LRFN2: variants seen among roughly 807,000 people sequenced by gnomAD.
LRFN2 encodes the protein leucine-rich repeat and fibronectin type-III domain-containing protein 2.
LRFN2 carries 18 observed loss-of-function variants against 37.3 expected under a neutral mutation model. The ratio of observed to expected loss-of-function variants is 0.48; its 90% confidence interval spans 0.33 to 0.72. LRFN2 has a LOEUF of 0.72. Ranked by LOEUF, LRFN2 falls within the 30% of genes least tolerant of loss-of-function variation. LRFN2 has a pLI of 0.02. For missense variants in LRFN2, 1,006 were observed against 1,060.7 expected, an observed-to-expected ratio of 0.95 and a Z score of 0.72; for synonymous variants, 556 against 466.6, an observed-to-expected ratio of 1.19 and a Z score of -2.47.
chr6:40,404,324 C>T (rs1031647411), intron 2 of LRFN2, among the ~76,000 whole-genome samples: 9 of 151,694 alleles, frequency 5.9e-5, no homozygotes, highest in Admixed American at 3.9e-4. Context: ...GTTTTGTTCA[C>T]TGATAGTTTC....
chr6:40,462,746 G>T (rs1222811209), intron 1 of LRFN2, among the ~76,000 whole-genome samples: 3 of 152,084 alleles, frequency 2.0e-5, no homozygotes, highest in Non-Finnish European at 4.4e-5. Flanking sequence ...AGGCACCAAG[G>T]CTCACAGGAG....
At chr6:40,540,386 A>G (rs548876539) in intron 1 of LRFN2, among the ~76,000 whole-genome samples, 5 of 152,120 alleles carry the variant, frequency 3.3e-5, no homozygotes, top group Non-Finnish European at 2.9e-5. Context: ...CCAGATCCCA[A>G]GCTTTTGCAA....
intron 1 of LRFN2, among the ~76,000 whole-genome samples, chr6:40,450,471 G>C (rs150681657): frequency 1.1e-3 from 167 of 152,356 alleles, no homozygotes; most frequent in African/African-American, 3.7e-3. Context: ...GCAAGGGAGA[G>C]AGGGAGGGAG....
chr6:40,457,082 TC>T (rs2113847293), intron 1 of LRFN2, among the ~76,000 whole-genome samples: 2 of 151,080 alleles, frequency 1.3e-5, no homozygotes, highest in South Asian at 4.2e-4. Context: ...TGTTCTCTCC[TC>T]CTCCTCTTCC....
intron 2 of LRFN2, among the ~76,000 whole-genome samples, chr6:40,401,369 C>T (rs915837966): frequency 1.3e-5 from 2 of 152,108 alleles, no homozygotes; most frequent in Admixed American, 6.5e-5. Context: ...TTCAGTAGCT[C>T]GGGTGCCTTC....
At chr6:40,562,095 C>T (rs771475475) in intron 1 of LRFN2, among the ~76,000 whole-genome samples, 2 of 152,078 alleles carry the variant, frequency 1.3e-5, no homozygotes, top group African/African-American at 4.8e-5. Flanking sequence ...CCAACTTGGG[C>T]GTATGGAAAG....
At chr6:40,570,608 G>T (rs1478501971) in intron 1 of LRFN2, among the ~76,000 whole-genome samples, 1 of 152,180 alleles carries the variant, frequency 6.6e-6, no homozygotes, top group East Asian at 1.9e-4. Flanking sequence ...CAGATACAGA[G>T]TGTGGAAAGG....
chr6:40,484,473 A>T (rs1483071410), intron 1 of LRFN2, among the ~76,000 whole-genome samples: 2 of 152,162 alleles, frequency 1.3e-5, no homozygotes, highest in East Asian at 3.9e-4. Flanking sequence ...ATGTGCACAC[A>T]AATCACCCAG....
At chr6:40,535,431 G>A (rs1180566416) in intron 1 of LRFN2, among the ~76,000 whole-genome samples, 1 of 152,204 alleles carries the variant, frequency 6.6e-6, no homozygotes. Context: ...AAAGAGAAGG[G>A]AAGGGTGGGG....
At chr6:40,552,328 A>G (rs762212859) in intron 1 of LRFN2, among the ~76,000 whole-genome samples, 2 of 152,348 alleles carry the variant, frequency 1.3e-5, no homozygotes, top group African/African-American at 4.8e-5. Context: ...TAAAATGCCA[A>G]TTCAAATTTA....
chr6:40,542,461 G>C (rs1354077509), intron 1 of LRFN2, among the ~76,000 whole-genome samples: 2 of 151,630 alleles, frequency 1.3e-5, no homozygotes, highest in African/African-American at 4.9e-5. Context: ...CTTTCACAGT[G>C]ATTTGGAAAA....
chr6:40,453,161 T>C (rs1397004165), intron 1 of LRFN2, among the ~76,000 whole-genome samples: 1 of 152,162 alleles, frequency 6.6e-6, no homozygotes, highest in Non-Finnish European at 1.5e-5. Context: ...ATAAAGTCTT[T>C]TCCTGTTGTG....
chr6:40,534,406 C>A lies in LRFN2; in HGVS notation c.-19+52535G>T, dbSNP rs2473578. Among the ~76,000 whole-genome samples the A allele has an allele frequency of 7.2e-5, 11 of 152,074 alleles. No homozygotes were observed. In the East Asian group the frequency reaches 2.1e-3, roughly 30 times the overall value. On this transcript the variant is annotated intron_variant, in intron 1 of 2. Coordinates refer to ENST00000338305, the MANE Select transcript of LRFN2 (RefSeq NM_020737.3). ...GGCTCCCCAGACCCTGAGACCCCCCCACTCCCCCCAACTGCTGATCCATGG... is the reference window on the plus strand; with the variant it reads ...GGCTCCCCAGACCCTGAGACCCCCCAACTCCCCCCAACTGCTGATCCATGG...
intron 1 of LRFN2, among the ~76,000 whole-genome samples, chr6:40,516,695 C>A (rs1170700365): frequency 2.0e-5 from 3 of 152,210 alleles, no homozygotes; most frequent in Non-Finnish European, 4.4e-5. Flanking sequence ...CTCTCACACA[C>A]CCCCTCCACA....
rs1411150223 is a variant in LRFN2 at position 40,432,613 on chromosome 6, G to A, written c.501C>T (p.Asp167=). ...SYNNLHGLPW[D]SVRRMVNLHQ... ...GGAGGTTGACCATGCGTCGCACGGA[G>A]TCCCACGGCAGGCCATGGAGGTTGT... The change falls in exon 2 of 3, where the codon GAC becomes GAT. Residue 167 remains aspartate (D), a synonymous_variant. Coordinates refer to ENST00000338305, the MANE Select transcript of LRFN2 (RefSeq NM_020737.3). 3.7e-6 allele frequency: 6 copies of A among 1,614,126 alleles called. No individual in the cohort carries two copies. The highest frequency in any genetic ancestry group is 1.1e-5 in the South Asian group (1 of 91,092).
At chr6:40,561,869 C>T (rs531066949) in intron 1 of LRFN2, among the ~76,000 whole-genome samples, 81 of 152,176 alleles carry the variant, frequency 5.3e-4, no homozygotes, top group African/African-American at 1.9e-3. Flanking sequence ...CTCAGGCTTC[C>T]TTGCTCAGGC....
intron 2 of LRFN2, among the ~76,000 whole-genome samples, chr6:40,416,529 G>A (rs1233147392): frequency 6.6e-6 from 1 of 152,104 alleles, no homozygotes; most frequent in Non-Finnish European, 1.5e-5. Context: ...ACTTTTTTTG[G>A]TTTGAGAGTA....
At chr6:40,585,506 A>G (rs1029496178) in intron 1 of LRFN2, among the ~76,000 whole-genome samples, 5 of 152,100 alleles carry the variant, frequency 3.3e-5, no homozygotes, top group Non-Finnish European at 7.4e-5. Context: ...CAAGGAAATG[A>G]CACTACCCTC....
intron 1 of LRFN2, among the ~76,000 whole-genome samples, chr6:40,510,239 C>A (rs570503044): frequency 1.3e-5 from 2 of 152,178 alleles, no homozygotes; most frequent in East Asian, 3.9e-4. Flanking sequence ...GTGGGTATGC[C>A]AAGGAACACT....
Sources: gnomAD v4.1 joint callset for allele counts (sites outside exome capture counted in the v4.1 genomes callset) on GRCh38, gnomAD v4.1.1 for gene constraint, MANE v1.5 for transcripts, NCBI Gene and HGNC (gene_info 2026-07-23, HGNC 2026-07-21) for gene names.